The following LRRFIP1 variants were observed in gnomAD, a reference collection of about 807,000 sequenced individuals.
LRRFIP1 encodes the protein LRR binding FLII interacting protein 1, also known as leucine-rich repeat flightless-interacting protein 1.
A neutral mutation model predicts 104.4 loss-of-function variants in LRRFIP1; 62 were observed. The ratio of observed to expected loss-of-function variants is 0.59; its 90% confidence interval spans 0.48 to 0.73. LRRFIP1 has a LOEUF of 0.73. LRRFIP1 is among the 30% of genes least tolerant of loss of function. The probability of loss-of-function intolerance (pLI) is 0.00; values close to 1 mark genes in which losing one functional copy is unlikely to be tolerated. For synonymous variants in LRRFIP1, 300 were observed against 299.0 expected, an observed-to-expected ratio of 1.00 and a Z score of -0.03; for missense variants, 796 against 824.5, an observed-to-expected ratio of 0.97 and a Z score of 0.42.
chr2:237,652,594 C>T (rs1040831255), intron 1 of LRRFIP1, among the ~76,000 whole-genome samples: 14 of 152,200 alleles, frequency 9.2e-5, no homozygotes, highest in African/African-American at 3.4e-4. Flanking sequence ...TGAGTGTTCA[C>T]CGAAAAGACC....
At chr2:237,663,763 G>A (rs1374075947) in intron 1 of LRRFIP1, among the ~76,000 whole-genome samples, 3 of 152,218 alleles carry the variant, frequency 2.0e-5, no homozygotes, top group African/African-American at 4.8e-5. Context: ...GGGGACCCGG[G>A]GAAGAGTTCA....
Position 237,735,276 on chromosome 2 carries a change from G to T in LRRFIP1, c.498G>T (p.Val166=). The T allele has an allele frequency of 1.9e-6, 3 of 1,613,620 alleles. No individual in the cohort carries two copies. Among genetic ancestry groups the T allele is most frequent in the Non-Finnish European group, 2.5e-6 (3 of 1,179,822 alleles). ...ARPSGSYRAS[V]LDEGSFGGTR... is the part of the protein sequence containing the mutation. Reference sequence around the variant, plus strand: ...GTCTCTTTTGGTCGCAGGCGTCTGTGTTGGATGAAGGCAGCTTCGGTGGGA... The same window carrying T: ...GTCTCTTTTGGTCGCAGGCGTCTGTTTTGGATGAAGGCAGCTTCGGTGGGA... Residue 166 remains valine, a synonymous_variant, in exon 10 of 24, where the codon GTG becomes GTT. Transcript: ENST00000308482. This position sits in a 1 kb window ranked among gnomAD's most constrained non-coding sequence, Gnocchi z 4.6.
At chr2:237,665,322 A>G (rs1314783111) in intron 1 of LRRFIP1, among the ~76,000 whole-genome samples, 2 of 152,224 alleles carry the variant, frequency 1.3e-5, no homozygotes, top group South Asian at 2.1e-4. Flanking sequence ...AAATAATGTT[A>G]ATTTCTGAGC....
At chr2:237,688,427 T>C (rs1375580597) in intron 1 of LRRFIP1, among the ~76,000 whole-genome samples, 4 of 149,470 alleles carry the variant, frequency 2.7e-5, no homozygotes, top group Non-Finnish European at 4.4e-5. Flanking sequence ...GCTGGTATGG[T>C]CCAGATGGAC....
intron 3 of LRRFIP1, among the ~76,000 whole-genome samples, chr2:237,715,678 G>A (rs1035076667): frequency 3.3e-5 from 5 of 152,230 alleles, no homozygotes; most frequent in Admixed American, 6.5e-5. Flanking sequence ...AGGAGGCGGC[G>A]ATTGCGCCTC....
chr2:237,733,061 AC>A (rs947266635), intron 8 of LRRFIP1, among the ~76,000 whole-genome samples: 2 of 152,070 alleles, frequency 1.3e-5, no homozygotes, highest in Non-Finnish European at 2.9e-5. Flanking sequence ...CTGAGTGATC[AC>A]CGCCTGGCCG....
At chr2:237,748,428 T>C (rs1205730534) in intron 12 of LRRFIP1, 29 bp downstream of exon 12, 3 of 1,568,546 alleles carry the variant, frequency 1.9e-6, no homozygotes, top group Non-Finnish European at 2.6e-6. Flanking sequence ...ACCTAGAGGG[T>C]CCCAAAAGTT....
intron 1 of LRRFIP1, among the ~76,000 whole-genome samples, chr2:237,696,464 A>G (rs2093192055): frequency 6.6e-6 from 1 of 152,224 alleles, no homozygotes; most frequent in South Asian, 2.1e-4. Flanking sequence ...CTCTTAGGTC[A>G]GTAGCTGTCA....
At chr2:237,763,404 C>T in intron 19 of LRRFIP1, 1 of 1,613,894 alleles carries the variant, frequency 6.2e-7, no homozygotes, top group African/African-American at 1.3e-5. Flanking sequence ...GCATTGGACT[C>T]ATCGCAGAAG....
intron 11 of LRRFIP1, among the ~76,000 whole-genome samples, chr2:237,743,492 A>C (rs968444157): frequency 6.6e-6 from 1 of 152,212 alleles, no homozygotes; most frequent in Non-Finnish European, 1.5e-5. Context: ...ATCTCAAGAC[A>C]GGCATAGAAT....
chr2:237,632,664 C>G (rs2082548317), intron 1 of LRRFIP1, among the ~76,000 whole-genome samples: 1 of 152,174 alleles, frequency 6.6e-6, no homozygotes. Flanking sequence ...GTTGGAGAAC[C>G]AAGCTGGGGA....
chr2:237,779,399 C>T (rs530256636), intron 23 of LRRFIP1, 23 bp from the exon 24 acceptor site: 14 of 1,610,542 alleles, frequency 8.7e-6, no homozygotes, highest in African/African-American at 4.0e-5. Flanking sequence ...CCTTAAAGCT[C>T]ACTGCCTTTC....
chr2:237,762,183 G>A lies in LRRFIP1; in HGVS notation c.1459+1978G>A, dbSNP rs148589893. On this transcript the variant is annotated intron_variant, in intron 19 of 23. Transcript: ENST00000308482. ...CTTTTAGGGCTGTGTGACATGGAGT[G>A]CAGTTTGACAGCTGCAAAAGTACAA... Among the ~76,000 whole-genome samples, 11 of 152,340 alleles carry A rather than the reference G, an allele frequency of 7.2e-5. No homozygotes were observed. The East Asian group carries it at 2.1e-3, about 29-fold the overall frequency.
chr2:237,769,336 T>A (rs1179032931), intron 19 of LRRFIP1: 1 of 152,454 alleles, frequency 6.6e-6, no homozygotes, highest in Non-Finnish European at 1.5e-5. Context: ...CACTTAACAT[T>A]TATGCATCCT....
chr2:237,725,779 A>G (rs942104384), intron 7 of LRRFIP1, among the ~76,000 whole-genome samples: 5 of 152,230 alleles, frequency 3.3e-5, no homozygotes, highest in Non-Finnish European at 5.9e-5. Context: ...ATGAGAGGAT[A>G]CTGTCATGCT....
chr2:237,673,649 C>T lies in LRRFIP1; in HGVS notation c.97-34895C>T, dbSNP rs2090694258. 3.3e-5 allele frequency among the ~76,000 whole-genome samples: 5 copies of T among 152,220 alleles called. No homozygotes were observed. The South Asian group carries it at 1.0e-3, about 32-fold the overall frequency. On this transcript the variant is annotated intron_variant, in intron 1 of 23. Transcript: ENST00000308482. ...TCTGGCACGGCGGAGGCCCTGGGTC[C>T]GTGTTTGTGGATGGAATGAATCAAT...
chr2:237,695,369 T>C (rs1343644841), intron 1 of LRRFIP1, among the ~76,000 whole-genome samples: 1 of 152,214 alleles, frequency 6.6e-6, no homozygotes, highest in Non-Finnish European at 1.5e-5. Context: ...TGCAGAACGG[T>C]GTTTCAGCGA....
intron 1 of LRRFIP1, among the ~76,000 whole-genome samples, chr2:237,656,088 G>T (rs2086770455): frequency 6.6e-6 from 1 of 152,182 alleles, no homozygotes; most frequent in African/African-American, 2.4e-5. Flanking sequence ...GGTAAGGGGT[G>T]TCTCCTGATA....
chr2:237,719,011 A>G lies in LRRFIP1; in HGVS notation c.250-512A>G, dbSNP rs538060770. Among the ~76,000 whole-genome samples, 10 of 152,384 alleles carry G rather than the reference A, an allele frequency of 6.6e-5. No individual in the cohort carries two copies. In the South Asian group the frequency reaches 2.1e-3, roughly 32 times the overall value. On this transcript the variant is annotated intron_variant, in intron 4 of 23. Transcript: ENST00000308482. ...TGTTTTATATACCACTGAGAAAGAA[A>G]AAATGCTAATTATAACTGAGCAACT...
Sources: allele counts gnomAD v4.1 joint callset (sites outside exome capture counted in the v4.1 genomes callset), GRCh38; gene constraint gnomAD v4.1.1; non-coding constraint Gnocchi (gnomAD v3.1); transcripts MANE v1.5; gene names NCBI Gene and HGNC (gene_info 2026-07-23, HGNC 2026-07-21).